Variants in IL17RE observed in about 807,000 individuals in gnomAD.
IL17RE encodes interleukin-17 receptor E.
Under a neutral mutation model 70.7 loss-of-function variants are expected in IL17RE, and 47 were observed. That is an observed-to-expected ratio of 0.67 (90% CI 0.53 to 0.85). The LOEUF is 0.85. IL17RE is among the 40% of genes least tolerant of loss of function. The pLI, the probability that IL17RE is intolerant of heterozygous loss-of-function variation, is 0.00. For synonymous variants in IL17RE, 372 were observed against 381.2 expected, an observed-to-expected ratio of 0.98 and a Z score of 0.28; for missense variants, 850 against 893.9, an observed-to-expected ratio of 0.95 and a Z score of 0.63.
At chr3:9,903,145 T>A in intron 1 of IL17RE, 81 bp downstream of exon 1, 1 of 1,296,748 alleles carries the variant, frequency 7.7e-7, no homozygotes, top group Non-Finnish European at 1.1e-6. Flanking sequence ...CTGTGCTACC[T>A]CCGCAGTCCC....
In IL17RE at chr3:9,903,410, C is replaced by T; in HGVS notation, c.146C>T (p.Thr49Ile). 1 of 1,614,146 alleles carries T rather than the reference C, an allele frequency of 6.2e-7. No homozygotes were observed. The change falls in exon 2 of 16, where the codon ACT becomes ATT. Residue 49 changes from threonine to isoleucine, a missense_variant and splice_region_variant. By Grantham distance (89) the Thr-to-Ile change is moderately conservative (BLOSUM62 -1). Coordinates refer to ENST00000383814, the MANE Select transcript of IL17RE (RefSeq NM_153480.2). ...PLASHTDDSF[T>I]GSSAYIPCRT... ...CCTGTGCCTCAGGATGACAGTTTCA[C>T]TGGTGAGTCGCATTTCCTGCCCCAT...
intron 3 of IL17RE, among the ~76,000 whole-genome samples, chr3:9,904,512 C>T (rs538311166): frequency 1.2e-3 from 178 of 152,172 alleles, no homozygotes; most frequent in African/African-American, 3.8e-3. Context: ...AGGCCAGGCG[C>T]GGTGGCTCAC....
Position 9,904,114 on chromosome 3 carries a change from C to G in IL17RE, c.231C>G (p.Ser77=), listed in dbSNP as rs538066760. The G allele has an allele frequency of 6.2e-7, 1 of 1,614,196 alleles. No individual in the cohort carries two copies. The highest frequency in any genetic ancestry group is 1.1e-5 in the South Asian group (1 of 91,086). ...KPWCVRVWHC[S]RCLCQHLLSG... is the part of the protein sequence containing the mutation. ...GGTGTGTGCGAGTCTGGCACTGTTC[C>G]CGCTGTTTGTGCCAGCATCTGCTGT... Residue 77 remains serine, a synonymous_variant, in exon 3 of 16, where the codon TCC becomes TCG. Coordinates refer to ENST00000383814, the MANE Select transcript of IL17RE (RefSeq NM_153480.2).
At chr3:9,914,411 T>C in intron 13 of IL17RE, 137 bp from the exon 14 acceptor site, 2 of 1,517,068 alleles carry the variant, frequency 1.3e-6, no homozygotes, top group Non-Finnish European at 1.8e-6. Flanking sequence ...GGCTAGCAGC[T>C]GGAGCAGACA....
Position 9,915,139 on chromosome 3 carries a change from C to A in IL17RE, c.1448-112C>A. 8.5e-7 allele frequency: 1 copy of A among 1,182,502 alleles called. No individual in the cohort carries two copies. The highest frequency in any genetic ancestry group is 3.3e-5 in the South Asian group (1 of 30,752). The allele number at this position is 1,182,502 out of a possible 1,614,324, so 73.3% of individuals were successfully genotyped here. On this transcript the variant is annotated intron_variant, in intron 15 of 15. Coordinates refer to ENST00000383814, the MANE Select transcript of IL17RE (RefSeq NM_153480.2). This position sits in a 1 kb window ranked among gnomAD's most constrained non-coding sequence, Gnocchi z 4.9. The stretch of plus-strand genomic sequence containing the variant: ...ACCAACCCCCAGAGCAAATAAGGGG[C>A]GGGGGCGGGGGCGGAGAGGCGAGCA...
Position 9,905,094 on chromosome 3 carries a change from C to CAAAAA in IL17RE, c.268+964_268+968dup, listed in dbSNP as rs71626946. ...TGGATGACAGTGTGAGACCCTGTCTCAAAAAAAAAAAAAAAAAAAAAAAAA... is the reference window on the plus strand; with the variant it reads ...TGGATGACAGTGTGAGACCCTGTCTCAAAAAAAAAAAAAAAAAAAAAAAAAAAAAA... On this transcript the variant is annotated intron_variant, in intron 3 of 15. Transcript: ENST00000383814. Among the ~76,000 whole-genome samples the CAAAAA allele has an allele frequency of 3.5e-3, 196 of 55,838 alleles. 5 individuals carry two copies. The highest frequency in any genetic ancestry group is 0.011 in the African/African-American group (156 of 14,094). The allele number at this position is 55,838 out of a possible 152,430, so 36.6% of individuals were successfully genotyped here.
chr3:9,911,800 T>C (rs918960858), intron 12 of IL17RE: 2 of 480,302 alleles, frequency 4.2e-6, no homozygotes, highest in African/African-American at 4.0e-5. Context: ...CTTTTTTTTC[T>C]TTTTTTCTTT....
chr3:9,903,155 C>T, intron 1 of IL17RE, 91 bp downstream of exon 1: 5 of 1,240,430 alleles, frequency 4.0e-6, no homozygotes, highest in South Asian at 1.3e-5. Flanking sequence ...TCCGCAGTCC[C>T]TGTGCTCTGG....
In IL17RE at chr3:9,903,027, C is replaced by T; in HGVS notation, c.95C>T (p.Pro32Leu). Reference sequence around the variant, plus strand: ...GCTGGGATTGGCTTTCGCCACCTGCCCCACTGGAACACCCGCTGTCCTCTG... The same window carrying T: ...GCTGGGATTGGCTTTCGCCACCTGCTCCACTGGAACACCCGCTGTCCTCTG... The part of the protein sequence containing the change: ...DSAGIGFRHL[P>L]HWNTRCPLAS... Residue 32 changes from proline to leucine, a missense_variant, in exon 1 of 16, where the codon CCC becomes CTC. Transcript: ENST00000383814. 1 of 1,614,194 alleles carries T rather than the reference C, an allele frequency of 6.2e-7. No individual in the cohort carries two copies. Among genetic ancestry groups the T allele is most frequent in the East Asian group, 2.2e-5 (1 of 44,876 alleles).
At chr3:9,905,094 C>CAAAAAAAAAAAAAA (rs71626946) in intron 3 of IL17RE, among the ~76,000 whole-genome samples, 10 of 56,158 alleles carry the variant, frequency 1.8e-4, no homozygotes, top group African/African-American at 7.1e-4. Flanking sequence ...GACCCTGTCT[C>CAAAAAAAAAAAAAA]AAAAAAAAAA....
chr3:9,908,700 G>A (rs2082816203), intron 7 of IL17RE, among the ~76,000 whole-genome samples: 2 of 152,354 alleles, frequency 1.3e-5, no homozygotes, highest in South Asian at 4.1e-4. Context: ...CTCTGTGGCA[G>A]TCCTCCTTTT....
chr3:9,902,504 A>C, upstream of IL17RE: 1 of 905,640 alleles, frequency 1.1e-6, no homozygotes, highest in Non-Finnish European at 1.7e-6. Context: ...GAGCTCGGCT[A>C]ATTCTCTAAG....
chr3:9,915,828 C>A lies in IL17RE; in HGVS notation c.*21C>A. The A allele has an allele frequency of 1.4e-6, 2 of 1,480,724 alleles. No individual in the cohort carries two copies. The highest frequency in any genetic ancestry group is 8.8e-7 in the Non-Finnish European group (1 of 1,130,136). 91.7% of individuals were successfully genotyped at this position (1,480,724 alleles called of 1,614,324 possible). Reference sequence around the variant, plus strand: ...GTTGAGCAGAGCTCCACCGCAGTCCCGGGTGTCTGCGGCCGCAACGCAACG... The same window carrying A: ...GTTGAGCAGAGCTCCACCGCAGTCCAGGGTGTCTGCGGCCGCAACGCAACG... On this transcript the variant is annotated 3_prime_UTR_variant, in exon 16 of 16. Transcript: ENST00000383814. The surrounding 1 kb of genome is among the most constrained non-coding windows in gnomAD (Gnocchi z 4.9).
At chr3:9,908,125 A>T (rs2082803264) in intron 6 of IL17RE, 114 bp from the exon 7 acceptor site, 1 of 793,180 alleles carries the variant, frequency 1.3e-6, no homozygotes, top group Non-Finnish European at 2.1e-6. Flanking sequence ...AGTATCTCAT[A>T]TTAGAGGAAA....
chr3:9,907,330 G>C (rs546633929), intron 6 of IL17RE, among the ~76,000 whole-genome samples: 1 of 152,158 alleles, frequency 6.6e-6, no homozygotes, highest in East Asian at 1.9e-4. Flanking sequence ...TTGAAGCCAG[G>C]AGTATAAAAC....
intron 6 of IL17RE, 102 bp from the exon 7 acceptor site, chr3:9,908,137 A>G (rs114381599): frequency 0.027 from 23,915 of 896,556 alleles, 426 homozygotes; most frequent in Non-Finnish European, 0.037. Context: ...TAGAGGAAAA[A>G]CAGGGTGTGT....
At chr3:9,909,504 C>A in intron 8 of IL17RE, 2 of 576,530 alleles carry the variant, frequency 3.5e-6, no homozygotes, top group Non-Finnish European at 6.2e-6. Context: ...TCGCTGAGCA[C>A]CGCAGTACTG....
Position 9,908,442 on chromosome 3 carries a change from C to T in IL17RE, c.735+135C>T, listed in dbSNP as rs145734329. On this transcript the variant is annotated intron_variant, in intron 7 of 15. Transcript: ENST00000383814. ...TTACTGGCATGCTTAGGAAGACCAG[C>T]GCCAGCTTGGCTGTGAGCCACACAT... The T allele has an allele frequency of 1.7e-3, 1,253 of 740,512 alleles. 5 individuals carry two copies. Among genetic ancestry groups the T allele is most frequent in the Middle Eastern group, 4.5e-3 (12 of 2,658 alleles). The allele number at this position is 740,512 out of a possible 1,614,324, so 45.9% of individuals were successfully genotyped here.
At position 9,915,526 on chromosome 3, in the gene IL17RE, G is replaced by A; in HGVS notation, c.1723G>A (p.Ala575Thr). The change falls in exon 16 of 16, where the codon GCG becomes ACG. Residue 575 changes from alanine (A) to threonine (T), a missense_variant. Coordinates refer to ENST00000383814, the MANE Select transcript of IL17RE (RefSeq NM_153480.2). This position sits in a 1 kb window ranked among gnomAD's most constrained non-coding sequence, Gnocchi z 4.9. Reference protein sequence around the residue: ...RPVSGPDPRAAPLLALLHAAP... With the variant: ...RPVSGPDPRATPLLALLHAAP... ...GGTCAGCGGCCCCGACCCCCGCGCC[G>A]CGCCCCTGCTCGCCCTGCTCCACGC... The A allele has an allele frequency of 1.5e-6, 2 of 1,325,748 alleles. No individual in the cohort carries two copies. The highest frequency in any genetic ancestry group is 1.9e-6 in the Non-Finnish European group (2 of 1,045,596). The allele number at this position is 1,325,748 out of a possible 1,614,324, so 82.1% of individuals were successfully genotyped here.
Sources: allele counts gnomAD v4.1 joint callset (sites outside exome capture counted in the v4.1 genomes callset), GRCh38; gene constraint gnomAD v4.1.1; non-coding constraint Gnocchi (gnomAD v3.1); transcripts MANE v1.5; gene names NCBI Gene and HGNC (gene_info 2026-07-23, HGNC 2026-07-21).